The following GPC5 variants were observed in gnomAD, a reference collection of about 807,000 sequenced individuals.
The protein encoded by GPC5 is glypican 5.
A neutral mutation model predicts 53.9 loss-of-function variants in GPC5; 47 were observed. The ratio of observed to expected loss-of-function variants is 0.87; its 90% CI spans 0.69 to 1.11. The LOEUF (loss-of-function observed/expected upper bound fraction) is 1.11, where lower values mean the gene tolerates loss of function less well. Among genes scored for constraint, GPC5 ranks in the 50% most tolerant of loss-of-function variants. The probability of loss-of-function intolerance (pLI) is 0.00; values close to 1 mark genes in which losing one functional copy is unlikely to be tolerated. For synonymous variants in GPC5, 286 were observed against 263.3 expected (o/e 1.09, Z -0.84); for missense variants, 748 against 713.1 (o/e 1.05, Z -0.56).
chr13:92,558,415 G>A (rs1283570741), intron 7 of GPC5, among the ~76,000 whole-genome samples: 1 of 152,006 alleles, frequency 6.6e-6, no homozygotes. Flanking sequence ...TTACACAAAA[G>A]TGCACATAAT....
chr13:92,831,195 T>G (rs1878032168), intron 7 of GPC5, among the ~76,000 whole-genome samples: 1 of 152,102 alleles, frequency 6.6e-6, no homozygotes. Flanking sequence ...AAAATCAAAT[T>G]CCTGTTACCC....
At chr13:91,800,234 T>C (rs2038112704) in intron 5 of GPC5, among the ~76,000 whole-genome samples, 1 of 152,106 alleles carries the variant, frequency 6.6e-6, no homozygotes. Flanking sequence ...GACATTATAA[T>C]AGAAAAATAA....
At chr13:92,668,462 C>G (rs1272408718) in intron 7 of GPC5, among the ~76,000 whole-genome samples, 1 of 152,030 alleles carries the variant, frequency 6.6e-6, no homozygotes, top group Non-Finnish European at 1.5e-5. Context: ...TCACATTCAG[C>G]AAGAGAATGT....
intron 7 of GPC5, among the ~76,000 whole-genome samples, chr13:92,818,023 T>A (rs2138806690): frequency 6.6e-6 from 1 of 151,328 alleles, no homozygotes; most frequent in Non-Finnish European, 1.5e-5. Flanking sequence ...TTTTTTTTTT[T>A]TTTTCTTGAG....
rs1217206910 is a variant in GPC5 at position 92,404,891 on chromosome 13, G to A, written c.1561+259902G>A. On this transcript the variant is annotated intron_variant, in intron 7 of 7. Transcript: ENST00000377067. Reference sequence around the variant, plus strand: ...ACAAGTACATCAAGGATAATATACTGTAAATGTATAGACAATCCTCACTTA... The same window carrying A: ...ACAAGTACATCAAGGATAATATACTATAAATGTATAGACAATCCTCACTTA... Among the ~76,000 whole-genome samples, 5 of 150,114 alleles carry A rather than the reference G, an allele frequency of 3.3e-5. 1 individual carries two copies. Among genetic ancestry groups the A allele is most frequent in the Non-Finnish European group, 7.4e-5 (5 of 67,540 alleles).
chr13:91,672,058 G>A (rs907084960), intron 2 of GPC5, among the ~76,000 whole-genome samples: 1 of 152,164 alleles, frequency 6.6e-6, no homozygotes, highest in African/African-American at 2.4e-5. Context: ...AACTGAAACT[G>A]GACCACTTCC....
At chr13:92,088,885 A>G (rs961509428) in intron 6 of GPC5, among the ~76,000 whole-genome samples, 1 of 152,222 alleles carries the variant, frequency 6.6e-6, no homozygotes, top group African/African-American at 2.4e-5. Context: ...AAACAAGAAC[A>G]ATGTGATAGC....
chr13:91,742,487 C>A (rs959090416), intron 4 of GPC5, among the ~76,000 whole-genome samples: 1 of 152,122 alleles, frequency 6.6e-6, no homozygotes, highest in African/African-American at 2.4e-5. Flanking sequence ...TAAATGAAAT[C>A]CACATAGTAG....
intron 5 of GPC5, among the ~76,000 whole-genome samples, chr13:91,765,504 G>A (rs917845144): frequency 2.6e-5 from 4 of 152,200 alleles, no homozygotes; most frequent in African/African-American, 9.6e-5. Flanking sequence ...CATGTACTTG[G>A]AAGTGGTGCA....
chr13:92,772,607 A>G (rs1449206514), intron 7 of GPC5, among the ~76,000 whole-genome samples: 1 of 152,092 alleles, frequency 6.6e-6, no homozygotes, highest in Non-Finnish European at 1.5e-5. Context: ...ACTTTTGTTC[A>G]TAGCCTTTAC....
At chr13:92,535,996 T>C (rs1357825041) in intron 7 of GPC5, among the ~76,000 whole-genome samples, 1 of 152,122 alleles carries the variant, frequency 6.6e-6, no homozygotes, top group Non-Finnish European at 1.5e-5. Context: ...ATATATTTAA[T>C]AGTGAATTTT....
At chr13:91,885,811 A>G (rs2039315755) in intron 5 of GPC5, among the ~76,000 whole-genome samples, 1 of 152,146 alleles carries the variant, frequency 6.6e-6, no homozygotes, top group African/African-American at 2.4e-5. Flanking sequence ...TATTTCCTAA[A>G]TGCCATGTGT....
intron 5 of GPC5, among the ~76,000 whole-genome samples, chr13:91,830,544 T>C (rs2038639023): frequency 6.6e-6 from 1 of 151,778 alleles, no homozygotes; most frequent in Non-Finnish European, 1.5e-5. Flanking sequence ...TACAGTTTTA[T>C]GTTCAGAGAT....
chr13:92,617,116 A>G (rs1185465740), intron 7 of GPC5, among the ~76,000 whole-genome samples: 1 of 152,164 alleles, frequency 6.6e-6, no homozygotes, highest in Admixed American at 6.6e-5. Context: ...TACCCAATGC[A>G]TGGTCATTTG....
At chr13:92,557,093 C>T (rs1390604549) in intron 7 of GPC5, among the ~76,000 whole-genome samples, 2 of 150,160 alleles carry the variant, frequency 1.3e-5, no homozygotes, top group Non-Finnish European at 3.0e-5. Context: ...TTTAGGATCT[C>T]TGAGAGAAAA....
chr13:91,530,999 C>A (rs947814860), intron 2 of GPC5, among the ~76,000 whole-genome samples: 2 of 152,180 alleles, frequency 1.3e-5, no homozygotes, highest in Non-Finnish European at 2.9e-5. Flanking sequence ...ATTACAATTG[C>A]TCTTTCTTAC....
intron 1 of GPC5, among the ~76,000 whole-genome samples, chr13:91,439,363 A>G (rs1253745321): frequency 1.3e-5 from 2 of 152,246 alleles, no homozygotes; most frequent in Non-Finnish European, 2.9e-5. Context: ...AGCCCCAAGT[A>G]TAAATAGTGC....
At chr13:92,211,162 G>C (rs773047525) in intron 7 of GPC5, among the ~76,000 whole-genome samples, 1 of 152,112 alleles carries the variant, frequency 6.6e-6, no homozygotes, top group Non-Finnish European at 1.5e-5. Flanking sequence ...CTTGAAAATG[G>C]CTAATTCTTG....
At position 91,975,877 on chromosome 13, in the gene GPC5, C is replaced by T. The variant is rs376701887; in HGVS notation, c.1401+67820C>T. Among the ~76,000 whole-genome samples the T allele has an allele frequency of 7.9e-5, 12 of 152,126 alleles. No homozygotes were observed. In the South Asian group the frequency reaches 1.7e-3, roughly 21 times the overall value. ...CAAAGACTTGGAACCAACCCAAATG[C>T]CCAACAATGATAGACTGGATTAAGA... On this transcript the variant is annotated intron_variant, in intron 6 of 7. Coordinates refer to ENST00000377067, the MANE Select transcript of GPC5 (RefSeq NM_004466.6).
Sources: gnomAD v4.1 joint callset for allele counts (sites outside exome capture counted in the v4.1 genomes callset) on GRCh38, gnomAD v4.1.1 for gene constraint, MANE v1.5 for transcripts, NCBI Gene and HGNC (gene_info 2026-07-23, HGNC 2026-07-21) for gene names.